Variants in RUFY3 observed in about 807,000 individuals in gnomAD.
RUFY3 encodes RUN and FYVE domain containing 3, also known as protein RUFY3.
Under a neutral mutation model 84.0 loss-of-function variants are expected in RUFY3, and 34 were observed. The ratio of observed to expected loss-of-function variants is 0.40; its 90% CI spans 0.31 to 0.54. The LOEUF is 0.54. Ranked by LOEUF, RUFY3 falls within the 20% of genes least tolerant of loss-of-function variation. The probability of loss-of-function intolerance (pLI) is 0.39; values close to 1 mark genes in which losing one functional copy is unlikely to be tolerated. For synonymous variants in RUFY3, 242 were observed against 252.9 expected (o/e 0.96, Z 0.41); for missense variants, 507 against 736.8 (o/e 0.69, Z 3.61).
At position 70,722,312 on chromosome 4, in the gene RUFY3, G is replaced by A. The variant is rs1008446669; in HGVS notation, c.-262G>A. 5.7e-6 allele frequency: 7 copies of A among 1,234,002 alleles called. No homozygotes were observed. Among genetic ancestry groups the A allele is most frequent in the African/African-American group, 1.5e-5 (1 of 64,526 alleles). The allele number at this position is 1,234,002 out of a possible 1,614,324, so 76.4% of individuals were successfully genotyped here. On this transcript the variant is annotated 5_prime_UTR_variant, in exon 1 of 18. Coordinates refer to ENST00000381006, the MANE Select transcript of RUFY3 (RefSeq NM_001037442.4). ...ATAAAAGGAGAGGAAGCTGGGAGAA[G>A]ACAAGCATCATCTTATTTTGCTATG...
chr4:70,735,339 T>C (rs1200685816), intron 1 of RUFY3, among the ~76,000 whole-genome samples: 4 of 152,208 alleles, frequency 2.6e-5, no homozygotes, highest in African/African-American at 9.6e-5. Context: ...AGTACAGGGC[T>C]GTAAATACTA....
intron 4 of RUFY3, 79 bp downstream of exon 4, chr4:70,764,655 T>A: frequency 1.3e-6 from 1 of 797,512 alleles, no homozygotes; most frequent in Admixed American, 2.7e-5. Context: ...AAGTTCACTA[T>A]TTTTGTAGAT....
chr4:70,710,316 T>C lies in RUFY3; in HGVS notation c.358+5022T>C, dbSNP rs182873481. ...GTGTAAAATATATATATTTTAGTTT[T>C]TCCTCTGTGGACATTTCTGTTATTG... On this transcript the variant is annotated intron_variant, in intron 1 of 11. Transcript: ENST00000417478. 5.3e-4 allele frequency among the ~76,000 whole-genome samples: 80 copies of C among 152,368 alleles called. 1 individual carries two copies. The highest frequency in any genetic ancestry group is 1.7e-3 in the African/African-American group (72 of 41,604).
intron 10 of RUFY3, among the ~76,000 whole-genome samples, chr4:70,785,645 A>G (rs891622923): frequency 3.3e-5 from 5 of 151,816 alleles, no homozygotes; most frequent in Non-Finnish European, 5.9e-5. Flanking sequence ...CATGACCAGC[A>G]TGGTGAAACC....
At chr4:70,800,431 T>C (rs1158305787) in intron 15 of RUFY3, among the ~76,000 whole-genome samples, 1 of 152,260 alleles carries the variant, frequency 6.6e-6, no homozygotes, top group Non-Finnish European at 1.5e-5. Flanking sequence ...GGCTGTCCTC[T>C]CTTCCCTGAT....
chr4:70,788,956 C>A lies in RUFY3; in HGVS notation c.1222C>A (p.Leu408Ile). Residue 408 changes from leucine (L) to isoleucine (I), a missense_variant, in exon 11 of 18, where the codon CTT becomes ATT. Coordinates refer to ENST00000381006, the MANE Select transcript of RUFY3 (RefSeq NM_001037442.4). ...LDDLRALKHE[L>I]AFKLQSSDLG... ...TGACCTCAGAGCTCTCAAGCATGAA[C>A]TTGCCTTTAAGCTGCAGGTAGGGGA... The A allele has an allele frequency of 6.2e-7, 1 of 1,614,110 alleles. No homozygotes were observed. Among genetic ancestry groups the A allele is most frequent in the Non-Finnish European group, 8.5e-7 (1 of 1,179,976 alleles).
chr4:70,777,332 T>C (rs919930779), intron 7 of RUFY3, among the ~76,000 whole-genome samples: 3 of 152,236 alleles, frequency 2.0e-5, no homozygotes, highest in African/African-American at 7.2e-5. Flanking sequence ...CCAAAAGCTA[T>C]TGGTATTCTC....
Position 70,722,123 on chromosome 4 carries a change from G to A in RUFY3, c.-451G>A. The A allele has an allele frequency of 8.1e-7, 1 of 1,231,512 alleles. No homozygotes were observed. The highest frequency in any genetic ancestry group is 1.0e-6 in the Non-Finnish European group (1 of 987,610). The allele number at this position is 1,231,512 out of a possible 1,614,324, so 76.3% of individuals were successfully genotyped here. On this transcript the variant is annotated 5_prime_UTR_variant, in exon 1 of 18. Coordinates refer to ENST00000381006, the MANE Select transcript of RUFY3 (RefSeq NM_001037442.4). ...CATTGAAAATATAGGTTTATTTTTTGTTCAGGTTTTTCTTTTATATTTTTT... is the reference window on the plus strand; with the variant it reads ...CATTGAAAATATAGGTTTATTTTTTATTCAGGTTTTTCTTTTATATTTTTT...
rs940062655 is a variant in RUFY3 at position 70,741,583 on chromosome 4, T to C, written c.178+18832T>C. The C allele has an allele frequency of 2.7e-6, 4 of 1,489,394 alleles. No homozygotes were observed. The African/African-American group carries it at 5.6e-5, about 21-fold the overall frequency. The allele number at this position is 1,489,394 out of a possible 1,614,324, so 92.3% of individuals were successfully genotyped here. Reference sequence around the variant, plus strand: ...TAGCACTTTTCTTTCTGGGCTTGCATGACATTTTATCTTTCTTTTCCTTTC... The same window carrying C: ...TAGCACTTTTCTTTCTGGGCTTGCACGACATTTTATCTTTCTTTTCCTTTC... On this transcript the variant is annotated intron_variant, in intron 1 of 17. Coordinates refer to ENST00000381006, the MANE Select transcript of RUFY3 (RefSeq NM_001037442.4).
At chr4:70,764,693 A>C in intron 4 of RUFY3, 117 bp downstream of exon 4, 1 of 615,244 alleles carries the variant, frequency 1.6e-6, no homozygotes, top group South Asian at 2.1e-5. Context: ...TAACAGCTTC[A>C]CTGATACTTT....
intron 1 of RUFY3, among the ~76,000 whole-genome samples, chr4:70,762,091 A>G (rs1725134856): frequency 6.6e-6 from 1 of 152,164 alleles, no homozygotes; most frequent in Non-Finnish European, 1.5e-5. Context: ...CGAAGTGGGA[A>G]TATCGCTTCA....
intron 12 of RUFY3, chr4:70,790,029 C>G (rs1730557708): frequency 3.1e-6 from 1 of 325,076 alleles, no homozygotes; most frequent in African/African-American, 2.2e-5. Context: ...AGGATCTATT[C>G]TGGATCTTTC....
chr4:70,719,017 A>G (rs1022682846), upstream of RUFY3, among the ~76,000 whole-genome samples: 11 of 152,214 alleles, frequency 7.2e-5, no homozygotes, highest in Admixed American at 3.3e-4. Flanking sequence ...GCCCGGCCGT[A>G]GAATTGTTTT....
chr4:70,751,108 G>A (rs1055217625), intron 1 of RUFY3, among the ~76,000 whole-genome samples: 4 of 151,994 alleles, frequency 2.6e-5, no homozygotes, highest in African/African-American at 9.7e-5. Flanking sequence ...GGCTACATGC[G>A]CAGGTTTGTT....
intron 13 of RUFY3, 30 bp downstream of exon 13, chr4:70,793,934 G>A (rs1354059567): frequency 1.2e-6 from 2 of 1,610,238 alleles, no homozygotes; most frequent in African/African-American, 2.7e-5. Context: ...AGCTGACAGG[G>A]TGGTCATGGG....
chr4:70,723,792 T>C lies in RUFY3; in HGVS notation c.178+1041T>C, dbSNP rs564876843. On this transcript the variant is annotated intron_variant, in intron 1 of 17. Transcript: ENST00000381006. ...GACAAAGAAGACCATAGGTGAATTG[T>C]ACCTAGCAGATGGGGTTAGGAAAGG... Among the ~76,000 whole-genome samples the C allele has an allele frequency of 2.6e-5, 4 of 152,318 alleles. No homozygotes were observed. In the East Asian group the frequency reaches 7.7e-4, roughly 29 times the overall value.
intron 8 of RUFY3, among the ~76,000 whole-genome samples, chr4:70,779,839 G>A (rs1302165109): frequency 6.6e-6 from 1 of 151,984 alleles, no homozygotes; most frequent in African/African-American, 2.4e-5. Flanking sequence ...CTTCCAAAGT[G>A]CTAGAATAAT....
intron 14 of RUFY3, among the ~76,000 whole-genome samples, chr4:70,796,692 T>C (rs1731551660): frequency 6.6e-6 from 1 of 152,204 alleles, no homozygotes; most frequent in African/African-American, 2.4e-5. Flanking sequence ...CAAATTGATG[T>C]GGATAGTCTG....
chr4:70,766,891 C>G (rs913842174), intron 4 of RUFY3, among the ~76,000 whole-genome samples: 11 of 152,186 alleles, frequency 7.2e-5, no homozygotes, highest in Non-Finnish European at 1.2e-4. Context: ...ACCTATTCAT[C>G]TCTCTGTCCT....
Sources: gnomAD v4.1 joint callset for allele counts (sites outside exome capture counted in the v4.1 genomes callset) on GRCh38, gnomAD v4.1.1 for gene constraint, MANE v1.5 for transcripts, NCBI Gene and HGNC (gene_info 2026-07-23, HGNC 2026-07-21) for gene names.